The following PRDM10 variants were observed in gnomAD, a reference collection of about 807,000 sequenced individuals.
The protein encoded by PRDM10 is PR domain zinc finger protein 10.
A neutral mutation model predicts 133.1 loss-of-function variants in PRDM10; 65 were observed. The ratio of observed to expected loss-of-function variants is 0.49; its 90% CI spans 0.40 to 0.60. The LOEUF is 0.60. Ranked by LOEUF, PRDM10 falls within the 20% of genes least tolerant of loss-of-function variation. The pLI is 0.00. For missense variants in PRDM10, 1,137 were observed against 1,507.1 expected (o/e 0.75, Z 4.07); for synonymous variants, 582 against 580.4 (o/e 1.00, Z -0.04).
chr11:129,969,416 T>C (rs1951970509), intron 1 of PRDM10, among the ~76,000 whole-genome samples: 1 of 152,178 alleles, frequency 6.6e-6, no homozygotes, highest in Non-Finnish European at 1.5e-5. Context: ...ATTTACCACT[T>C]ACAGCTTTTG....
At chr11:129,988,774 C>T (rs567421657) in intron 1 of PRDM10, among the ~76,000 whole-genome samples, 64 of 152,070 alleles carry the variant, frequency 4.2e-4, no homozygotes, top group African/African-American at 1.5e-3. Context: ...GAACTACAGG[C>T]GTCCGCCACC....
intron 19 of PRDM10, among the ~76,000 whole-genome samples, chr11:129,907,554 A>G (rs944774875): frequency 1.3e-5 from 2 of 151,842 alleles, no homozygotes; most frequent in African/African-American, 4.8e-5. Flanking sequence ...GTAGGTGCGC[A>G]CTACCATGCC....
intron 1 of PRDM10, among the ~76,000 whole-genome samples, chr11:129,987,928 G>A (rs889997720): frequency 1.3e-5 from 2 of 152,184 alleles, no homozygotes; most frequent in African/African-American, 4.8e-5. Context: ...CTGAACCCAG[G>A]AGGCGGAGCT....
chr11:129,949,135 T>G (rs1008897355), intron 4 of PRDM10, among the ~76,000 whole-genome samples: 5 of 152,206 alleles, frequency 3.3e-5, no homozygotes, highest in African/African-American at 1.2e-4. Context: ...TCTATTTTGG[T>G]GATGAGTATG....
At chr11:129,904,097 T>C (rs1340779583) in intron 20 of PRDM10, among the ~76,000 whole-genome samples, 2 of 147,030 alleles carry the variant, frequency 1.4e-5, no homozygotes, top group East Asian at 4.0e-4. Context: ...TACAAATCTC[T>C]CCTAAGTCTA....
At chr11:129,916,265 A>C (rs929230399) in intron 15 of PRDM10, among the ~76,000 whole-genome samples, 1 of 152,218 alleles carries the variant, frequency 6.6e-6, no homozygotes, top group African/African-American at 2.4e-5. Context: ...AATCTTCCAA[A>C]TGGCAACGTC....
chr11:129,909,142 G>A (rs986731922), intron 19 of PRDM10, among the ~76,000 whole-genome samples: 6 of 151,920 alleles, frequency 3.9e-5, no homozygotes, highest in Non-Finnish European at 7.4e-5. Flanking sequence ...TCAATGTGAC[G>A]TCCAATGTTT....
chr11:129,930,857 T>C (rs57791744), intron 11 of PRDM10, among the ~76,000 whole-genome samples, 159 bp downstream of exon 11: 4,496 of 152,074 alleles, frequency 0.03, 189 homozygotes, highest in African/African-American at 0.1. Flanking sequence ...CATTGAGAAA[T>C]AGTGAACACT....
chr11:129,938,677 C>T (rs1411909697), intron 7 of PRDM10, among the ~76,000 whole-genome samples: 3 of 152,144 alleles, frequency 2.0e-5, no homozygotes, highest in Admixed American at 1.3e-4. Flanking sequence ...CATATACAGG[C>T]ATCAAAATAT....
intron 11 of PRDM10, among the ~76,000 whole-genome samples, chr11:129,928,734 T>C (rs1029459428): frequency 5.3e-5 from 8 of 152,118 alleles, no homozygotes; most frequent in Admixed American, 2.0e-4. Context: ...TGGACAATTT[T>C]CTGCCCACTT....
chr11:129,948,804 T>C (rs1172479504), intron 4 of PRDM10, among the ~76,000 whole-genome samples: 1 of 152,230 alleles, frequency 6.6e-6, no homozygotes, highest in Non-Finnish European at 1.5e-5. Flanking sequence ...GTGGATTCCA[T>C]ATTTTTATTA....
At chr11:129,911,241 A>G (rs974789743) in intron 18 of PRDM10, among the ~76,000 whole-genome samples, 33 of 152,274 alleles carry the variant, frequency 2.2e-4, no homozygotes, top group African/African-American at 8.0e-4. Flanking sequence ...AAATATAATT[A>G]CCTACATTCT....
intron 20 of PRDM10, among the ~76,000 whole-genome samples, chr11:129,903,509 A>C (rs1405204930): frequency 1.3e-5 from 2 of 151,966 alleles, no homozygotes; most frequent in East Asian, 3.9e-4. Context: ...TTGTTTTCTT[A>C]TTTTTCCCCT....
chr11:129,986,407 G>C (rs545985390), intron 1 of PRDM10, among the ~76,000 whole-genome samples: 26 of 151,746 alleles, frequency 1.7e-4, no homozygotes, highest in African/African-American at 5.1e-4. Flanking sequence ...GTTTTTTTTC[G>C]AGACAGGGTC....
intron 1 of PRDM10, among the ~76,000 whole-genome samples, chr11:129,964,309 A>G (rs577936072): frequency 6.6e-6 from 1 of 152,252 alleles, no homozygotes; most frequent in African/African-American, 2.4e-5. Context: ...TATTTCTTCT[A>G]TTTTAATTTT....
Position 129,923,536 on chromosome 11 carries a change from C to T in PRDM10, c.1879-133G>A, listed in dbSNP as rs1950576513. The T allele has an allele frequency of 3.2e-6, 3 of 948,012 alleles. No homozygotes were observed. The South Asian group carries it at 5.4e-5, about 17-fold the overall frequency. The allele number at this position is 948,012 out of a possible 1,614,324, so 58.7% of individuals were successfully genotyped here. A position where few individuals can be genotyped will look rare whatever the true frequency, so the allele number is the denominator to read the frequency against. On this transcript the variant is annotated intron_variant, in intron 12 of 20. Transcript: ENST00000360871. The surrounding 1 kb of genome is among the most constrained non-coding windows in gnomAD (Gnocchi z 4.4). ...CATCAACCCCGCCGAGGAATCCAATCAGATGTGATAATTGGCCTCAATAAC... is the reference window on the plus strand; with the variant it reads ...CATCAACCCCGCCGAGGAATCCAATTAGATGTGATAATTGGCCTCAATAAC...
Position 129,963,382 on chromosome 11 carries a change from G to GAGAGAACAGAAGAGA in PRDM10, c.-118-2301_-118-2300insTCTCTTCTGTTCTCT, listed in dbSNP as rs1951835050. On this transcript the variant is annotated intron_variant, in intron 1 of 20. Transcript: ENST00000360871. ...AGAGAGACCCTGCTGAAAGAAAAAA[G>GAGAGAACAGAAGAGA]AGAGAAGAGAAGAGAAGAGAAGAGA... 4.0e-5 allele frequency among the ~76,000 whole-genome samples: 3 copies of GAGAGAACAGAAGAGA among 74,586 alleles called. 1 individual carries two copies. Among genetic ancestry groups the GAGAGAACAGAAGAGA allele is most frequent in the Admixed American group, 2.9e-4 (2 of 6,870 alleles). The allele number at this position is 74,586 out of a possible 152,430, so 48.9% of individuals were successfully genotyped here.
At chr11:129,958,784 A>G (rs1951743902) in intron 2 of PRDM10, among the ~76,000 whole-genome samples, 1 of 152,248 alleles carries the variant, frequency 6.6e-6, no homozygotes, top group Non-Finnish European at 1.5e-5. Context: ...GTAGGTGAAG[A>G]CACAGAAAAT....
chr11:129,935,515 A>T (rs140282032), intron 8 of PRDM10, among the ~76,000 whole-genome samples: 42 of 152,280 alleles, frequency 2.8e-4, no homozygotes, highest in African/African-American at 9.6e-4. Flanking sequence ...CCGAAAACAC[A>T]TAAGATGTTA....
Sources: allele counts gnomAD v4.1 joint callset (sites outside exome capture counted in the v4.1 genomes callset), GRCh38; gene constraint gnomAD v4.1.1; non-coding constraint Gnocchi (gnomAD v3.1); transcripts MANE v1.5; gene names NCBI Gene and HGNC (gene_info 2026-07-23, HGNC 2026-07-21).